Variants in CRELD2 observed in about 807,000 individuals in gnomAD.
CRELD2 encodes the protein protein disulfide isomerase CRELD2.
CRELD2 carries 33 observed loss-of-function variants against 48.1 expected under a neutral mutation model. That is an observed-to-expected ratio of 0.69 (90% CI 0.52 to 0.92). The LOEUF is 0.92. Ranked by LOEUF, CRELD2 falls within the 40% of genes least tolerant of loss-of-function variation. The pLI is 0.00. For synonymous variants in CRELD2, 220 were observed against 203.9 expected (o/e 1.08, Z -0.67); for missense variants, 477 against 482.4 (o/e 0.99, Z 0.10).
intron 8 of CRELD2, chr22:49,925,063 G>A (rs530159959): frequency 7.0e-5 from 12 of 171,226 alleles, no homozygotes; most frequent in East Asian, 1.7e-4. Flanking sequence ...CCCGGGAGGC[G>A]GAGCTTGCAG....
chr22:49,926,255 A>G (rs1451478035), intron 9 of CRELD2: 1 of 152,320 alleles, frequency 6.6e-6, no homozygotes, highest in African/African-American at 2.4e-5. Context: ...CCCTATTTCC[A>G]AACAAGGTCA....
intron 3 of CRELD2, 54 bp from the exon 4 acceptor site, chr22:49,920,102 G>T (rs370261407): frequency 2.5e-5 from 31 of 1,229,254 alleles, no homozygotes; most frequent in Non-Finnish European, 3.5e-5. Flanking sequence ...CTGCATGTTT[G>T]TTTTAAAGAA....
intron 6 of CRELD2, 91 bp from the exon 7 acceptor site, chr22:49,923,142 TG>T: frequency 9.5e-7 from 1 of 1,052,242 alleles, no homozygotes. Context: ...CAGCCGGCCC[TG>T]GCCACGGGCT....
intron 5 of CRELD2, 184 bp downstream of exon 5, chr22:49,921,945 C>T: frequency 1.5e-6 from 1 of 648,034 alleles, no homozygotes. Flanking sequence ...TTGTCGGGCA[C>T]TTCCTGTCCC....
intron 9 of CRELD2, 93 bp from the exon 10 acceptor site, chr22:49,927,162 C>T (rs2060776651): frequency 4.4e-6 from 5 of 1,131,810 alleles, no homozygotes; most frequent in Non-Finnish European, 6.7e-6. Context: ...ACTGGACGGG[C>T]AGGCCCTGCA....
intron 1 of CRELD2, 68 bp from the exon 2 acceptor site, chr22:49,919,162 C>T (rs1449188378): frequency 5.1e-6 from 5 of 977,236 alleles, no homozygotes; most frequent in Non-Finnish European, 6.9e-6. Context: ...CACCCTCGAC[C>T]TGGGCTCGCC....
Position 49,921,457 on chromosome 22 carries a change from C to G in CRELD2, c.416-128C>G, listed in dbSNP as rs929247281. ...AATCAGTTTCCCCAAACACCCACTC[C>G]AAGCCTTCAGGCTCATGTACGTCCT... On this transcript the variant is annotated intron_variant, in intron 4 of 9. Transcript: ENST00000328268. The G allele has an allele frequency of 2.8e-5, 29 of 1,019,032 alleles. No individual in the cohort carries two copies. The African/African-American group carries it at 3.5e-4, about 12-fold the overall frequency. The allele number at this position is 1,019,032 out of a possible 1,614,324, so 63.1% of individuals were successfully genotyped here. A position where few individuals can be genotyped will look rare whatever the true frequency, so the allele number is the denominator to read the frequency against.
intron 8 of CRELD2, 94 bp from the exon 9 acceptor site, chr22:49,925,323 T>G (rs923105071): frequency 9.2e-6 from 8 of 870,146 alleles, no homozygotes; most frequent in Non-Finnish European, 1.5e-5. Flanking sequence ...CGTTGTGCTT[T>G]CTTTATGTGA....
intron 9 of CRELD2, among the ~76,000 whole-genome samples, chr22:49,926,933 A>C (rs1251041928): frequency 7.7e-5 from 4 of 52,004 alleles, no homozygotes; most frequent in Non-Finnish European, 1.1e-4. Flanking sequence ...TACCTCCCCC[A>C]CCCTCGGTCC....
In CRELD2 at chr22:49,921,830, T is replaced by C. The variant is rs577462013; in HGVS notation, c.592+69T>C. 6.6e-5 allele frequency: 99 copies of C among 1,501,106 alleles called. 1 individual carries two copies. The East Asian group carries it at 2.2e-3, about 33-fold the overall frequency. The allele number at this position is 1,501,106 out of a possible 1,614,324, so 93.0% of individuals were successfully genotyped here. A position where few individuals can be genotyped will look rare whatever the true frequency, so the allele number is the denominator to read the frequency against. The stretch of plus-strand genomic sequence containing the variant: ...ACAAGAGCCCCTTGCTGGAGCTGCC[T>C]GCCTAGATGGGAACAGGGGCCTGTT... On this transcript the variant is annotated intron_variant, in intron 5 of 9. Coordinates refer to ENST00000328268, the MANE Select transcript of CRELD2 (RefSeq NM_024324.5).
chr22:49,920,032 C>T (rs2060665456), intron 3 of CRELD2, 124 bp from the exon 4 acceptor site: 1 of 773,452 alleles, frequency 1.3e-6, no homozygotes, highest in African/African-American at 1.7e-5. Context: ...AAGATTCTGT[C>T]CACACCTAGA....
intron 4 of CRELD2, 198 bp from the exon 5 acceptor site, chr22:49,921,387 C>T (rs1601840274): frequency 3.3e-6 from 2 of 601,836 alleles, no homozygotes; most frequent in East Asian, 5.7e-5. Context: ...GAGCCTGTGG[C>T]TTGCTCCACT....
At chr22:49,925,796 G>A in intron 9 of CRELD2, 1 of 1,333,134 alleles carries the variant, frequency 7.5e-7, no homozygotes, top group South Asian at 1.6e-5. Flanking sequence ...CGATGAAGGG[G>A]GAAGTCTCTG....
intron 8 of CRELD2, chr22:49,925,086 G>A (rs532176573): frequency 1.6e-4 from 29 of 183,272 alleles, no homozygotes; most frequent in Non-Finnish European, 2.5e-4. Flanking sequence ...AGAGGAGATC[G>A]CGCCACCGCA....
chr22:49,922,161 A>C, intron 5 of CRELD2: 1 of 995,592 alleles, frequency 1.0e-6, no homozygotes, highest in Non-Finnish European at 1.4e-6. Context: ...CCTGGTTGTC[A>C]CTGATATGTA....
chr22:49,925,477 A>G lies in CRELD2; in HGVS notation c.929A>G (p.Asn310Ser), dbSNP rs763553152. 18 of 1,613,916 alleles carry G rather than the reference A, an allele frequency of 1.1e-5. No homozygotes were observed. Among genetic ancestry groups the G allele is most frequent in the South Asian group, 6.6e-5 (6 of 91,088 alleles). ...GTGAGGAAAAACGAAAACTGCTACA[A>G]TACTCCAGGGAGCTACGTCTGTGTG... ...TCVRKNENCYNTPGSYVCVCP... is the reference protein window; with the variant it reads ...TCVRKNENCYSTPGSYVCVCP... Residue 310 changes from asparagine to serine, a missense_variant, in exon 9 of 10, where the codon AAT becomes AGT. Physicochemically the swap from Asn to Ser is conservative, Grantham distance 46. Coordinates refer to ENST00000328268, the MANE Select transcript of CRELD2 (RefSeq NM_024324.5).
chr22:49,919,932 G>A (rs765704376), intron 3 of CRELD2, 92 bp downstream of exon 3: 1 of 1,045,738 alleles, frequency 9.6e-7, no homozygotes, highest in African/African-American at 1.6e-5. Flanking sequence ...AGGAACAGTA[G>A]GGAGCTCCCA....
intron 5 of CRELD2, chr22:49,922,313 C>T (rs564615833): frequency 1.4e-5 from 17 of 1,234,240 alleles, no homozygotes; most frequent in South Asian, 4.6e-5. Flanking sequence ...CCGGCCTCTC[C>T]GATTCTTACC....
chr22:49,924,283 T>G, intron 7 of CRELD2, 77 bp from the exon 8 acceptor site: 2 of 999,498 alleles, frequency 2.0e-6, no homozygotes, highest in Non-Finnish European at 1.5e-6. Flanking sequence ...GCGGCACCGG[T>G]GCCTTGTGCA....
Sources: gnomAD v4.1 joint callset for allele counts (sites outside exome capture counted in the v4.1 genomes callset) on GRCh38, gnomAD v4.1.1 for gene constraint, MANE v1.5 for transcripts, NCBI Gene and HGNC (gene_info 2026-07-23, HGNC 2026-07-21) for gene names.